LHFPL3: variants seen among roughly 807,000 people sequenced by gnomAD.
LHFPL3 encodes the protein LHFPL tetraspan subfamily member 3.
A neutral mutation model predicts 19.3 loss-of-function variants in LHFPL3; 5 were observed. That is an observed-to-expected ratio of 0.26 (90% confidence interval 0.14 to 0.54). The LOEUF (loss-of-function observed/expected upper bound fraction) is 0.54. Ranked by LOEUF, LHFPL3 falls within the 20% of genes least tolerant of loss-of-function variation. The pLI, the probability that LHFPL3 is intolerant of heterozygous loss-of-function variation, is 0.94. For synonymous variants in LHFPL3, 133 were observed against 126.2 expected (o/e 1.05, Z -0.36); for missense variants, 249 against 307.4 (o/e 0.81, Z 1.42).
chr7:104,481,060 C>T (rs1316593313), intron 1 of LHFPL3, among the ~76,000 whole-genome samples: 2 of 152,114 alleles, frequency 1.3e-5, no homozygotes, highest in African/African-American at 4.8e-5. Flanking sequence ...GTGACACAGT[C>T]ATCATCTATT....
chr7:104,837,753 G>C (rs1791125493), intron 2 of LHFPL3, among the ~76,000 whole-genome samples: 1 of 152,086 alleles, frequency 6.6e-6, no homozygotes, highest in South Asian at 2.1e-4. Flanking sequence ...CCTATAGAAA[G>C]TGCCAACTTT....
chr7:104,786,489 A>C (rs1435269201), intron 2 of LHFPL3: 3 of 152,202 alleles, frequency 2.0e-5, no homozygotes. Context: ...TTGTTACCAT[A>C]GAATCAACTT....
rs558897755 is a variant in LHFPL3, at chr7:104,732,974, G to A, written c.446-3701G>A. Among the ~76,000 whole-genome samples, 5 of 152,262 alleles carry A rather than the reference G, an allele frequency of 3.3e-5. No individual in the cohort carries two copies. The East Asian group carries it at 9.6e-4, about 29-fold the overall frequency. On this transcript the variant is annotated intron_variant, in intron 1 of 2. Transcript: ENST00000424859. ...ACATCTTTATTTCTGCCTTCATTTTGTTATGTACCCCATAGTCATTCAGGA... is the reference window on the plus strand; with the variant it reads ...ACATCTTTATTTCTGCCTTCATTTTATTATGTACCCCATAGTCATTCAGGA...
At position 104,328,983 on chromosome 7, in the gene LHFPL3, G is replaced by T. The variant is rs534447209; in HGVS notation, c.204G>T (p.Pro68=). 2.5e-6 allele frequency: 4 copies of T among 1,614,182 alleles called. No individual in the cohort carries two copies. The highest frequency in any genetic ancestry group is 4.5e-5 in the East Asian group (2 of 44,854). The change falls in exon 1 of 3, where the codon CCG becomes CCT. Residue 68 remains proline, a synonymous_variant. Transcript: ENST00000424859. The surrounding 1 kb of genome is among the most constrained non-coding windows in gnomAD (Gnocchi z 4.6). ...PYWIGDGVDT[P]QAGYFGLFHY... The stretch of plus-strand genomic sequence containing the variant: ...GGATAGGCGACGGCGTGGACACCCC[G>T]CAAGCCGGCTATTTCGGGCTCTTCC...
intron 1 of LHFPL3, among the ~76,000 whole-genome samples, chr7:104,439,184 A>G (rs1006053700): frequency 1.3e-5 from 2 of 152,154 alleles, no homozygotes; most frequent in African/African-American, 4.8e-5. Context: ...GAAGGAATTG[A>G]TCCTCCCACC....
intron 1 of LHFPL3, among the ~76,000 whole-genome samples, chr7:104,551,836 A>C (rs953866408): frequency 1.3e-5 from 2 of 152,176 alleles, no homozygotes; most frequent in Non-Finnish European, 2.9e-5. Context: ...GAAAGACACC[A>C]TTTGAAGCAC....
chr7:104,511,198 G>A (rs142202851), intron 1 of LHFPL3, among the ~76,000 whole-genome samples: 396 of 152,270 alleles, frequency 2.6e-3, no homozygotes, highest in African/African-American at 9.1e-3. Context: ...TGGCAGATAA[G>A]CACAGGAGAA....
chr7:104,888,738 A>G (rs1203418227), intron 2 of LHFPL3, among the ~76,000 whole-genome samples: 1 of 152,248 alleles, frequency 6.6e-6, no homozygotes, highest in East Asian at 1.9e-4. Context: ...ACATGTGTCA[A>G]CAATGCATGG....
chr7:104,650,865 A>G (rs1269571607), intron 1 of LHFPL3, among the ~76,000 whole-genome samples: 1 of 152,224 alleles, frequency 6.6e-6, no homozygotes, highest in Non-Finnish European at 1.5e-5. Flanking sequence ...TCTATGGGGC[A>G]TCACTAAGAA....
chr7:104,761,684 C>T (rs931211461), intron 2 of LHFPL3, among the ~76,000 whole-genome samples: 14 of 152,186 alleles, frequency 9.2e-5, no homozygotes, highest in African/African-American at 3.4e-4. Flanking sequence ...TTTGATTTGA[C>T]TCAGAAGCAA....
chr7:104,413,985 A>G (rs2116517971), intron 1 of LHFPL3, among the ~76,000 whole-genome samples: 1 of 152,264 alleles, frequency 6.6e-6, no homozygotes, highest in Non-Finnish European at 1.5e-5. Context: ...TCTCTTATTC[A>G]TTAGAAAAGG....
chr7:104,439,053 A>T (rs955697441), intron 1 of LHFPL3, among the ~76,000 whole-genome samples: 2 of 152,254 alleles, frequency 1.3e-5, no homozygotes, highest in Non-Finnish European at 2.9e-5. Context: ...AGTAGAAAAC[A>T]TAAATAGCCT....
intron 1 of LHFPL3, among the ~76,000 whole-genome samples, chr7:104,341,581 A>G (rs1288866918): frequency 6.6e-6 from 1 of 152,230 alleles, no homozygotes; most frequent in Non-Finnish European, 1.5e-5. Flanking sequence ...GCCAGTGAGC[A>G]TCACTGAGCC....
intron 1 of LHFPL3, among the ~76,000 whole-genome samples, chr7:104,736,106 C>G (rs1793810588): frequency 6.6e-6 from 1 of 152,056 alleles, no homozygotes; most frequent in Non-Finnish European, 1.5e-5. Context: ...TATCCTTTCT[C>G]TGTATCCATA....
intron 2 of LHFPL3, among the ~76,000 whole-genome samples, chr7:104,782,095 G>T (rs553612705): frequency 2.6e-5 from 4 of 152,294 alleles, no homozygotes; most frequent in African/African-American, 9.6e-5. Context: ...ATGGCATCAT[G>T]CATGGTATTC....
chr7:104,848,058 G>A (rs985760228), intron 2 of LHFPL3, among the ~76,000 whole-genome samples: 3 of 152,174 alleles, frequency 2.0e-5, no homozygotes, highest in East Asian at 1.9e-4. Context: ...GTTCTAATGC[G>A]CTGGACAAAT....
At chr7:104,544,831 GA>G (rs1334155411) in intron 1 of LHFPL3, among the ~76,000 whole-genome samples, 5 of 152,118 alleles carry the variant, frequency 3.3e-5, no homozygotes, top group Non-Finnish European at 7.4e-5. Context: ...CCCCTCACTA[GA>G]AATTGAGCTG....
chr7:104,646,566 A>C (rs912794416), intron 1 of LHFPL3, among the ~76,000 whole-genome samples: 5 of 152,228 alleles, frequency 3.3e-5, no homozygotes, highest in Admixed American at 6.5e-5. Flanking sequence ...CTCAATAAGA[A>C]AATTGTTTTA....
At chr7:104,856,158 A>G (rs1286635658) in intron 2 of LHFPL3, among the ~76,000 whole-genome samples, 3 of 151,786 alleles carry the variant, frequency 2.0e-5, no homozygotes, top group East Asian at 3.9e-4. Flanking sequence ...GCCTCAAAGT[A>G]TAATATCAGA....
Sources: allele counts gnomAD v4.1 joint callset (sites outside exome capture counted in the v4.1 genomes callset), GRCh38; gene constraint gnomAD v4.1.1; non-coding constraint Gnocchi (gnomAD v3.1); transcripts MANE v1.5; gene names NCBI Gene and HGNC (gene_info 2026-07-23, HGNC 2026-07-21).